TBC1D1: variants seen among roughly 807,000 people sequenced by gnomAD.
The protein encoded by TBC1D1 is TBC1 domain family member 1, also known as TBC1 (tre-2/USP6, BUB2, cdc16) domain family, member 1.
In TBC1D1, 89 loss-of-function variants were observed where a neutral mutation model predicts 125.6. The observed-to-expected ratio is 0.71, with a 90% CI of 0.60 to 0.85. The LOEUF is 0.85. Ranked by LOEUF, TBC1D1 falls within the 40% of genes least tolerant of loss-of-function variation. The pLI is 0.00. For synonymous variants in TBC1D1, 565 were observed against 564.1 expected (o/e 1.00, Z -0.02); for missense variants, 1,377 against 1,469.2 (o/e 0.94, Z 1.03).
At chr4:37,911,622 A>G (rs1718655586) in intron 2 of TBC1D1, among the ~76,000 whole-genome samples, 1 of 152,202 alleles carries the variant, frequency 6.6e-6, no homozygotes, top group Non-Finnish European at 1.5e-5. Flanking sequence ...TCTTAAGATC[A>G]GGTGATGTAG....
chr4:37,896,169 A>G (rs1459247151), intron 1 of TBC1D1, among the ~76,000 whole-genome samples: 1 of 152,184 alleles, frequency 6.6e-6, no homozygotes, highest in Non-Finnish European at 1.5e-5. Flanking sequence ...AATCTGACCT[A>G]GAGCTAGAGG....
chr4:38,043,081 T>C (rs1430602655), intron 8 of TBC1D1, among the ~76,000 whole-genome samples: 6 of 152,002 alleles, frequency 3.9e-5, no homozygotes, highest in Non-Finnish European at 7.4e-5. Flanking sequence ...TTTGTATTTT[T>C]AGTAGAGACA....
chr4:37,986,788 T>C (rs538365971), intron 2 of TBC1D1, among the ~76,000 whole-genome samples: 12 of 140,176 alleles, frequency 8.6e-5, no homozygotes, highest in African/African-American at 2.9e-4. Flanking sequence ...CAGGTCAAGA[T>C]GCCTGCAGGG....
chr4:38,035,588 A>C lies in TBC1D1; in HGVS notation c.1303A>C (p.Lys435Gln), dbSNP rs983234269. Residue 435 changes from lysine to glutamine, a missense_variant and splice_region_variant, in exon 8 of 20, where the codon AAA becomes CAA. Physicochemically the swap from Lys to Gln is moderately conservative, Grantham distance 53 (BLOSUM62 1). Coordinates refer to ENST00000261439, the MANE Select transcript of TBC1D1 (RefSeq NM_015173.4). ...CCTGTTTCTGATTTTTGTTTTAAAG[A>C]AATTGAGACCGAGAAATGAGCAGCG... 1 of 1,610,954 alleles carries C rather than the reference A, an allele frequency of 6.2e-7. No individual in the cohort carries two copies. Among genetic ancestry groups the C allele is most frequent in the Non-Finnish European group, 8.5e-7 (1 of 1,178,746 alleles).
intron 15 of TBC1D1, among the ~76,000 whole-genome samples, chr4:38,113,733 G>A (rs900495325): frequency 2.0e-5 from 3 of 152,192 alleles, no homozygotes; most frequent in Non-Finnish European, 4.4e-5. Context: ...GTACACTGGT[G>A]TTGCCCAGTA....
chr4:37,919,340 G>GTTT (rs60078358), intron 2 of TBC1D1, among the ~76,000 whole-genome samples: 20 of 140,894 alleles, frequency 1.4e-4, no homozygotes, highest in Middle Eastern at 3.3e-3. Flanking sequence ...GTTTGTTTTT[G>GTTT]TTTTTTTTTT....
At chr4:38,070,736 C>T (rs1754566759) in intron 12 of TBC1D1, among the ~76,000 whole-genome samples, 1 of 152,144 alleles carries the variant, frequency 6.6e-6, no homozygotes. Flanking sequence ...ACAGAAGTGG[C>T]AAGAAGATGT....
intron 15 of TBC1D1, among the ~76,000 whole-genome samples, chr4:38,105,887 C>G (rs572427553): frequency 6.6e-6 from 1 of 152,220 alleles, no homozygotes; most frequent in South Asian, 2.1e-4. Flanking sequence ...GTGAATAGTG[C>G]TGTGATGAAC....
At chr4:38,053,613 G>C (rs1276160097) in intron 11 of TBC1D1, among the ~76,000 whole-genome samples, 1 of 152,200 alleles carries the variant, frequency 6.6e-6, no homozygotes, top group Non-Finnish European at 1.5e-5. Flanking sequence ...GGCCTTCTCA[G>C]GTTGTCCTGT....
chr4:37,933,471 CAG>C (rs944545519), intron 2 of TBC1D1, among the ~76,000 whole-genome samples: 4 of 128,616 alleles, frequency 3.1e-5, no homozygotes, highest in Non-Finnish European at 6.7e-5. Flanking sequence ...CACACACACA[CAG>C]TAGAATAATA....
At position 38,049,901 on chromosome 4, in the gene TBC1D1, A is replaced by G. The variant is rs776740580; in HGVS notation, c.1910+3A>G. On this transcript the variant is annotated splice_donor_region_variant and intron_variant, in intron 11 of 19. Transcript: ENST00000261439. Reference sequence around the variant, plus strand: ...ACAGAGACGCCTCATGAACGAAAGTAAGATTTGTTTAAATTTGTTGCATAA... The same window carrying G: ...ACAGAGACGCCTCATGAACGAAAGTGAGATTTGTTTAAATTTGTTGCATAA... 13 of 1,605,766 alleles carry G rather than the reference A, an allele frequency of 8.1e-6. No homozygotes were observed. Among genetic ancestry groups the G allele is most frequent in the Non-Finnish European group, 1.1e-5 (13 of 1,175,304 alleles).
At chr4:37,924,937 C>T (rs761274393) in intron 2 of TBC1D1, among the ~76,000 whole-genome samples, 46 of 152,156 alleles carry the variant, frequency 3.0e-4, no homozygotes, top group Non-Finnish European at 6.6e-4. Context: ...GTATTTTATG[C>T]GCATTATTTT....
At chr4:38,091,472 A>C (rs954612483) in intron 13 of TBC1D1, among the ~76,000 whole-genome samples, 8 of 152,246 alleles carry the variant, frequency 5.3e-5, no homozygotes, top group African/African-American at 1.9e-4. Flanking sequence ...GCATTACTGC[A>C]TGTGTCATCA....
intron 2 of TBC1D1, among the ~76,000 whole-genome samples, chr4:37,987,832 A>G (rs980908213): frequency 7.2e-5 from 11 of 152,226 alleles, no homozygotes; most frequent in African/African-American, 2.7e-4. Flanking sequence ...ATTCTCTGAT[A>G]TTCTTTTCAA....
chr4:37,949,923 G>A (rs1220402155), intron 2 of TBC1D1, among the ~76,000 whole-genome samples: 1 of 152,112 alleles, frequency 6.6e-6, no homozygotes, highest in Non-Finnish European at 1.5e-5. Context: ...TTTCTTAGAA[G>A]ATTCCTAACG....
At chr4:38,131,077 G>A (rs1578864081) in intron 18 of TBC1D1, among the ~76,000 whole-genome samples, 1 of 152,202 alleles carries the variant, frequency 6.6e-6, no homozygotes, top group South Asian at 2.1e-4. Context: ...AGAATGAAGG[G>A]CCTAGGAGTC....
At chr4:37,933,072 CA>C (rs560803623) in intron 2 of TBC1D1, among the ~76,000 whole-genome samples, 4 of 149,766 alleles carry the variant, frequency 2.7e-5, no homozygotes, top group African/African-American at 9.9e-5. Context: ...AACAAAAAAA[CA>C]AAAAAAACTT....
At chr4:37,989,475 C>G (rs1361117784) in intron 2 of TBC1D1, among the ~76,000 whole-genome samples, 1 of 152,204 alleles carries the variant, frequency 6.6e-6, no homozygotes, top group Non-Finnish European at 1.5e-5. Context: ...CCCCGACCAC[C>G]TTGAGCACGT....
chr4:38,124,896 G>A (rs2152613154), intron 17 of TBC1D1, 66 bp from the exon 20 acceptor site: 2 of 1,405,244 alleles, frequency 1.4e-6, no homozygotes, highest in East Asian at 2.3e-5. Flanking sequence ...TGTGGAAAAG[G>A]CAATGGAATG....
Sources: gnomAD v4.1 joint callset for allele counts (sites outside exome capture counted in the v4.1 genomes callset) on GRCh38, gnomAD v4.1.1 for gene constraint, MANE v1.5 for transcripts, NCBI Gene and HGNC (gene_info 2026-07-23, HGNC 2026-07-21) for gene names.